STAMBPL1: variants seen among roughly 807,000 people sequenced by gnomAD.
The protein encoded by STAMBPL1 is STAM binding protein like 1.
In STAMBPL1, 44 loss-of-function variants were observed where a neutral mutation model predicts 52.9. The observed-to-expected ratio is 0.83, with a 90% CI of 0.65 to 1.07. STAMBPL1 has a LOEUF of 1.07. Among genes scored for constraint, STAMBPL1 ranks in the 50% least tolerant of loss-of-function variants. The probability of loss-of-function intolerance (pLI) is 0.00; values close to 1 mark genes in which losing one functional copy is unlikely to be tolerated. For missense variants in STAMBPL1, 511 were observed against 520.8 expected, an observed-to-expected ratio of 0.98 and a Z score of 0.18; for synonymous variants, 164 against 177.3, an observed-to-expected ratio of 0.92 and a Z score of 0.60.
chr10:88,917,515 C>T (rs1589378927), intron 8 of STAMBPL1, among the ~76,000 whole-genome samples: 1 of 151,942 alleles, frequency 6.6e-6, no homozygotes, highest in Non-Finnish European at 1.5e-5. Context: ...ATCCGAGCAT[C>T]AGTTTTATCA....
intron 5 of STAMBPL1, 127 bp downstream of exon 5, chr10:88,911,138 A>G: frequency 5.4e-6 from 3 of 555,454 alleles, no homozygotes; most frequent in East Asian, 3.9e-5. Context: ...ATGCAGTGAT[A>G]TGGAACCAAT....
intron 1 of STAMBPL1, among the ~76,000 whole-genome samples, chr10:88,887,800 G>C (rs540510843): frequency 6.6e-6 from 1 of 152,286 alleles, no homozygotes; most frequent in South Asian, 2.1e-4. Flanking sequence ...GGGATCACAG[G>C]CATGAGCCAC....
chr10:88,885,926 A>C (rs1844519019), intron 1 of STAMBPL1, among the ~76,000 whole-genome samples: 1 of 152,198 alleles, frequency 6.6e-6, no homozygotes, highest in Non-Finnish European at 1.5e-5. Flanking sequence ...CATAACTCTC[A>C]GAAATCTATA....
chr10:88,912,921 C>G (rs1455073293), intron 5 of STAMBPL1, 180 bp from the exon 6 acceptor site: 4 of 632,926 alleles, frequency 6.3e-6, no homozygotes, highest in East Asian at 5.2e-5. Flanking sequence ...CTATGTTAAT[C>G]AGATCAAGGG....
chr10:88,908,096 C>G (rs964908512), intron 3 of STAMBPL1, among the ~76,000 whole-genome samples: 2 of 152,326 alleles, frequency 1.3e-5, no homozygotes, highest in South Asian at 2.1e-4. Context: ...CTTCACTTTA[C>G]CTGGAAGCGA....
At chr10:88,886,266 G>C (rs1048410777) in intron 1 of STAMBPL1, among the ~76,000 whole-genome samples, 1 of 152,172 alleles carries the variant, frequency 6.6e-6, no homozygotes, top group Non-Finnish European at 1.5e-5. Context: ...AGTGCTGTGA[G>C]GGCAAGCCCC....
At chr10:88,888,720 TAGACTC>T (rs1481166437) in intron 1 of STAMBPL1, among the ~76,000 whole-genome samples, 10 of 152,206 alleles carry the variant, frequency 6.6e-5, no homozygotes, top group Non-Finnish European at 5.9e-5. Flanking sequence ...ACAAGAGAAA[TAGACTC>T]AGAGAGTTAA....
chr10:88,909,548 C>A (rs1343327894), intron 4 of STAMBPL1, among the ~76,000 whole-genome samples: 1 of 152,020 alleles, frequency 6.6e-6, no homozygotes, highest in African/African-American at 2.4e-5. Context: ...TATTTTCAGA[C>A]CTGAGGATGC....
At chr10:88,894,251 A>G (rs1380821057) in intron 1 of STAMBPL1, among the ~76,000 whole-genome samples, 1 of 152,186 alleles carries the variant, frequency 6.6e-6, no homozygotes, top group Non-Finnish European at 1.5e-5. Context: ...CTGCATGTCT[A>G]ATCCCAAGGC....
intron 1 of STAMBPL1, among the ~76,000 whole-genome samples, chr10:88,885,772 CAG>C (rs1336711105): frequency 7.2e-5 from 11 of 152,270 alleles, no homozygotes; most frequent in African/African-American, 2.6e-4. Flanking sequence ...TATAAGAAGA[CAG>C]ATTTTATTTA....
In STAMBPL1 at chr10:88,890,338, C is replaced by T. The variant is rs116911687; in HGVS notation, c.-54+9700C>T. 9.5e-3 allele frequency among the ~76,000 whole-genome samples: 1,452 copies of T among 152,278 alleles called. 14 individuals carry two copies. Among genetic ancestry groups the T allele is most frequent in the South Asian group, 0.042 (204 of 4,818 alleles). On this transcript the variant is annotated intron_variant, in intron 1 of 10. Transcript: ENST00000371926. Reference sequence around the variant, plus strand: ...GAATCAGGTTTTTAAAAGATCACTACAGGTAGATTCTTCACCAGGTAGAAT... The same window carrying T: ...GAATCAGGTTTTTAAAAGATCACTATAGGTAGATTCTTCACCAGGTAGAAT...
Position 88,905,656 on chromosome 10 carries a change from A to G in STAMBPL1, c.244A>G (p.Ile82Val). The G allele has an allele frequency of 2.5e-6, 4 of 1,612,798 alleles. No homozygotes were observed. The highest frequency in any genetic ancestry group is 3.4e-6 in the Non-Finnish European group (4 of 1,179,116). The change falls in exon 3 of 11, where the codon ATA (isoleucine) becomes GTA (valine). Residue 82 changes from isoleucine (I) to valine (V), a missense_variant. Coordinates refer to ENST00000371926, the MANE Select transcript of STAMBPL1 (RefSeq NM_020799.4). ...TGCCTTTGTTCTTTATAATAAATTT[A>G]TAACGTAAGTGTTTTAAAGGCCTCT... is the stretch of plus-strand genomic sequence containing the variant. ...ENAFVLYNKF[I>V]TLFVEKLPNH...
chr10:88,889,611 A>T (rs751210690), intron 1 of STAMBPL1, among the ~76,000 whole-genome samples: 29 of 152,156 alleles, frequency 1.9e-4, no homozygotes, highest in Non-Finnish European at 4.1e-4. Flanking sequence ...AGTACTATTC[A>T]AGCATTTACA....
chr10:88,902,771 G>A (rs1203059994), intron 2 of STAMBPL1, among the ~76,000 whole-genome samples: 2 of 152,004 alleles, frequency 1.3e-5, no homozygotes, highest in African/African-American at 4.8e-5. Flanking sequence ...AGGTTTCACC[G>A]TGTTAGCCAA....
chr10:88,906,776 A>G (rs1845085480), intron 3 of STAMBPL1, among the ~76,000 whole-genome samples: 2 of 151,872 alleles, frequency 1.3e-5, no homozygotes, highest in African/African-American at 4.8e-5. Context: ...CTAATTTTTT[A>G]TTTTTGTAGA....
intron 4 of STAMBPL1, among the ~76,000 whole-genome samples, chr10:88,910,305 A>T (rs1845187630): frequency 6.6e-6 from 1 of 152,110 alleles, no homozygotes; most frequent in Admixed American, 6.5e-5. Context: ...CCTCAACTCT[A>T]AAAAAGAAGA....
At chr10:88,887,557 C>G (rs1347314087) in intron 1 of STAMBPL1, among the ~76,000 whole-genome samples, 1 of 152,126 alleles carries the variant, frequency 6.6e-6, no homozygotes, top group African/African-American at 2.4e-5. Context: ...AAACAAGGGT[C>G]GTGGTCTGTC....
intron 1 of STAMBPL1, among the ~76,000 whole-genome samples, chr10:88,892,829 C>A (rs894138344): frequency 4.6e-5 from 7 of 152,116 alleles, no homozygotes; most frequent in African/African-American, 4.8e-5. Flanking sequence ...GAACTACTGT[C>A]CTTAAGAAAG....
At chr10:88,889,532 A>G (rs1844624694) in intron 1 of STAMBPL1, among the ~76,000 whole-genome samples, 1 of 152,180 alleles carries the variant, frequency 6.6e-6, no homozygotes, top group Non-Finnish European at 1.5e-5. Flanking sequence ...TAGTTTACAG[A>G]TAATAAATAT....
Sources: allele counts gnomAD v4.1 joint callset (sites outside exome capture counted in the v4.1 genomes callset), GRCh38; gene constraint gnomAD v4.1.1; transcripts MANE v1.5; gene names NCBI Gene and HGNC (gene_info 2026-07-23, HGNC 2026-07-21).